The following MYT1L variants were observed in gnomAD, a reference collection of about 807,000 sequenced individuals.
MYT1L encodes the protein myelin transcription factor 1 like.
A neutral mutation model predicts 126.7 loss-of-function variants in MYT1L; 12 were observed. The ratio of observed to expected loss-of-function variants is 0.09; its 90% CI spans 0.06 to 0.15. The LOEUF (loss-of-function observed/expected upper bound fraction) is 0.15. Ranked by LOEUF, MYT1L falls within the 10% of genes least tolerant of loss-of-function variation. The pLI is 1.00. For synonymous variants in MYT1L, 541 were observed against 604.2 expected (o/e 0.90, Z 1.53); for missense variants, 979 against 1,585.2 (o/e 0.62, Z 6.49).
chr2:2,156,796 A>G (rs1340713892), intron 3 of MYT1L, among the ~76,000 whole-genome samples: 1 of 152,186 alleles, frequency 6.6e-6, no homozygotes, highest in Admixed American at 6.5e-5. Context: ...GCTGAGCAAG[A>G]GCTGTCATCT....
intron 4 of MYT1L, among the ~76,000 whole-genome samples, chr2:2,004,527 A>AGGCAT (rs2062926635): frequency 7.0e-6 from 1 of 143,674 alleles, no homozygotes; most frequent in African/African-American, 2.6e-5. Flanking sequence ...TATTTCCTGC[A>AGGCAT]TACGTTCTTT....
chr2:2,021,827 G>T (rs1161170850), intron 4 of MYT1L, among the ~76,000 whole-genome samples: 2 of 152,096 alleles, frequency 1.3e-5, no homozygotes, highest in African/African-American at 4.8e-5. Flanking sequence ...AACCCGGGTG[G>T]CGGAGCTTGC....
Position 2,059,904 on chromosome 2 carries a change from A to G in MYT1L, c.-303-5781T>C, listed in dbSNP as rs1266393531. On this transcript the variant is annotated intron_variant, in intron 3 of 24. Coordinates refer to ENST00000647738, the MANE Select transcript of MYT1L (RefSeq NM_001303052.2). This position sits in a 1 kb window ranked among gnomAD's most constrained non-coding sequence, Gnocchi z 4.7. ...TTGACTCTGTCAGAGAATTTAGCAT[A>G]CCATGCTGTAACTGTAGATCTCCTA... 6.6e-6 allele frequency among the ~76,000 whole-genome samples: 1 copy of G among 152,208 alleles called. No individual in the cohort carries two copies.
In MYT1L at chr2:1,867,437, G is replaced by A. The variant is rs1191724332; in HGVS notation, c.2712-15734C>T. Among the ~76,000 whole-genome samples the A allele has an allele frequency of 2.0e-5, 3 of 152,190 alleles. No homozygotes were observed. In the South Asian group the frequency reaches 6.2e-4, roughly 31 times the overall value. ...TCGTCCCTGGAGGTTGGGTTCAGAC[G>A]TCTGGCAGGTTTTCCTGCACTACTA... On this transcript the variant is annotated intron_variant, in intron 18 of 24. Coordinates refer to ENST00000647738, the MANE Select transcript of MYT1L (RefSeq NM_001303052.2).
chr2:1,858,899 C>G (rs969286351), intron 18 of MYT1L, among the ~76,000 whole-genome samples: 36 of 152,356 alleles, frequency 2.4e-4, no homozygotes, highest in African/African-American at 7.9e-4. Flanking sequence ...CCCATAGGCA[C>G]CTCAGCCTCC....
At chr2:2,281,110 G>C (rs1376415937) in intron 2 of MYT1L, among the ~76,000 whole-genome samples, 1 of 152,116 alleles carries the variant, frequency 6.6e-6, no homozygotes, top group Non-Finnish European at 1.5e-5. Context: ...TCATGGGGGT[G>C]GTTACCCCAC....
chr2:2,030,418 G>T (rs1043383016), intron 4 of MYT1L, among the ~76,000 whole-genome samples: 7 of 152,094 alleles, frequency 4.6e-5, no homozygotes, highest in Non-Finnish European at 7.4e-5. Flanking sequence ...TTAGATTCCT[G>T]TTTTGTCTCT....
chr2:1,851,853 G>C (rs1236755454), intron 18 of MYT1L, 150 bp from the exon 19 acceptor site: 1 of 732,076 alleles, frequency 1.4e-6, no homozygotes, highest in East Asian at 2.7e-5. Flanking sequence ...CCCTCATGGA[G>C]CTGGAAGTCA....
chr2:1,845,064 C>T (rs991658782), intron 19 of MYT1L, among the ~76,000 whole-genome samples: 3 of 151,908 alleles, frequency 2.0e-5, no homozygotes, highest in Non-Finnish European at 2.9e-5. Flanking sequence ...CTGAAGCCTC[C>T]GCCTCCCAGA....
chr2:2,155,229 G>T (rs951689271), intron 3 of MYT1L, among the ~76,000 whole-genome samples: 2 of 152,096 alleles, frequency 1.3e-5, no homozygotes, highest in African/African-American at 4.8e-5. Context: ...TGTTATAATT[G>T]GTAAATTTAA....
intron 8 of MYT1L, among the ~76,000 whole-genome samples, chr2:1,967,511 T>C (rs2059461538): frequency 6.6e-6 from 1 of 152,208 alleles, no homozygotes; most frequent in South Asian, 2.1e-4. Flanking sequence ...TCCTCCCCCT[T>C]TCCTCCTTTA....
chr2:1,956,191 GTCTATCTA>G lies in MYT1L; in HGVS notation c.153-12865_153-12858del, dbSNP rs368487475. Among the ~76,000 whole-genome samples the G allele has an allele frequency of 4.7e-4, 68 of 145,986 alleles. 1 individual carries two copies. The highest frequency in any genetic ancestry group is 3.7e-3 in the Middle Eastern group (1 of 272). On this transcript the variant is annotated intron_variant, in intron 8 of 24. Transcript: ENST00000647738. ...TGTCTGCCTGTTCATTTACCTAGCTGTCTATCTATCTATCTATCTATCTATCTATCTAT... is the reference window on the plus strand; with the variant it reads ...TGTCTGCCTGTTCATTTACCTAGCTGTCTATCTATCTATCTATCTATCTAT...
Position 1,806,146 on chromosome 2 carries a change from T to G in MYT1L, c.3172+2930A>C, listed in dbSNP as rs1171625186. On this transcript the variant is annotated intron_variant, in intron 22 of 24. Coordinates refer to ENST00000647738, the MANE Select transcript of MYT1L (RefSeq NM_001303052.2). This position sits in a 1 kb window ranked among gnomAD's most constrained non-coding sequence, Gnocchi z 4.9. The stretch of plus-strand genomic sequence containing the variant: ...GCTACACAGACATGGAAATGATGCC[T>G]GGGCACACAACTGTGCTCTGGGGGT... 7.2e-5 allele frequency among the ~76,000 whole-genome samples: 11 copies of G among 152,152 alleles called. No individual in the cohort carries two copies. The highest frequency in any genetic ancestry group is 3.9e-4 in the Admixed American group (6 of 15,280).
intron 3 of MYT1L, among the ~76,000 whole-genome samples, chr2:2,066,916 A>G (rs149812129): frequency 1.3e-5 from 2 of 152,370 alleles, no homozygotes; most frequent in African/African-American, 4.8e-5. Flanking sequence ...TGATGCCTCT[A>G]GAGGGAAAGT....
intron 1 of MYT1L, among the ~76,000 whole-genome samples, chr2:2,285,619 C>T (rs1158612923): frequency 6.6e-6 from 1 of 152,148 alleles, no homozygotes; most frequent in Non-Finnish European, 1.5e-5. Flanking sequence ...CCAATTCTGC[C>T]TAGAAGCCAC....
At chr2:1,983,720 G>T (rs750472496) in intron 5 of MYT1L, among the ~76,000 whole-genome samples, 12 of 152,204 alleles carry the variant, frequency 7.9e-5, no homozygotes, top group Non-Finnish European at 1.8e-4. Flanking sequence ...CCGTTCATTT[G>T]AATTCATTCT....
At chr2:2,115,231 C>T (rs73911393) in intron 3 of MYT1L, among the ~76,000 whole-genome samples, 3 of 152,198 alleles carry the variant, frequency 2.0e-5, no homozygotes, top group Non-Finnish European at 4.4e-5. Flanking sequence ...GTGTTCATTT[C>T]GAATGCTATC....
intron 3 of MYT1L, among the ~76,000 whole-genome samples, chr2:2,142,766 A>G (rs1233772797): frequency 6.6e-6 from 1 of 151,862 alleles, no homozygotes; most frequent in Non-Finnish European, 1.5e-5. Flanking sequence ...GGCTCACTGC[A>G]ACCTCTGCCT....
chr2:2,158,906 G>T (rs1425249580), intron 3 of MYT1L, among the ~76,000 whole-genome samples: 1 of 152,180 alleles, frequency 6.6e-6, no homozygotes, highest in African/African-American at 2.4e-5. Flanking sequence ...CTGCTGAAGG[G>T]CTCCAGGGCC....
Sources: allele counts gnomAD v4.1 joint callset (sites outside exome capture counted in the v4.1 genomes callset), GRCh38; gene constraint gnomAD v4.1.1; non-coding constraint Gnocchi (gnomAD v3.1); transcripts MANE v1.5; gene names NCBI Gene and HGNC (gene_info 2026-07-23, HGNC 2026-07-21).